Variants in ERICH1 observed in about 807,000 individuals in gnomAD.
ERICH1 encodes the protein glutamate rich 1.
A neutral mutation model predicts 39.6 loss-of-function variants in ERICH1; 56 were observed. That is an observed-to-expected ratio of 1.41 (90% confidence interval 1.14 to 1.77). The LOEUF (loss-of-function observed/expected upper bound fraction) is 1.77. ERICH1 is among the 40% of genes most tolerant of loss of function. The probability of loss-of-function intolerance (pLI) is 0.00; values close to 1 mark genes in which losing one functional copy is unlikely to be tolerated. For missense variants in ERICH1, 826 were observed against 575.4 expected (o/e 1.44, Z -4.45); for synonymous variants, 313 against 223.6 (o/e 1.40, Z -3.57).
At chr8:630,453 C>T (rs867365340) in intron 3 of ERICH1, among the ~76,000 whole-genome samples, 18 of 123,672 alleles carry the variant, frequency 1.5e-4, no homozygotes, top group African/African-American at 4.4e-4. Context: ...CACACCCTCC[C>T]GTGAGCACCC....
chr8:636,588 C>T (rs1378833301), intron 3 of ERICH1, among the ~76,000 whole-genome samples: 1 of 152,254 alleles, frequency 6.6e-6, no homozygotes, highest in Non-Finnish European at 1.5e-5. Context: ...TACCCTCAGC[C>T]CTGTCCACCA....
intron 3 of ERICH1, among the ~76,000 whole-genome samples, chr8:634,368 T>C (rs1186702977): frequency 6.6e-6 from 1 of 151,544 alleles, no homozygotes; most frequent in Non-Finnish European, 1.5e-5. Flanking sequence ...GGAACCCTCG[T>C]GCACTGTTGG....
chr8:643,702 C>T (rs537058379), intron 3 of ERICH1, among the ~76,000 whole-genome samples: 20 of 152,312 alleles, frequency 1.3e-4, no homozygotes, highest in African/African-American at 3.9e-4. Flanking sequence ...CTGAGCCATC[C>T]GCGACTTCGG....
chr8:695,146 C>A (rs1183608484), intron 2 of ERICH1, among the ~76,000 whole-genome samples: 3 of 152,044 alleles, frequency 2.0e-5, no homozygotes, highest in Non-Finnish European at 4.4e-5. Context: ...CCCCTCAGCT[C>A]CTCTGGGCTG....
At chr8:701,505 C>T (rs147031815) in intron 2 of ERICH1, among the ~76,000 whole-genome samples, 3 of 152,312 alleles carry the variant, frequency 2.0e-5, no homozygotes, top group African/African-American at 2.4e-5. Flanking sequence ...GAGCCACAGA[C>T]GCAGGCCCAG....
At chr8:668,102 T>C (rs898310278) in intron 5 of ERICH1, 10 of 198,988 alleles carry the variant, frequency 5.0e-5, no homozygotes, top group Non-Finnish European at 1.0e-4. Flanking sequence ...TCACCACAGC[T>C]TGTGTCACCG....
intron 2 of ERICH1, among the ~76,000 whole-genome samples, chr8:701,760 A>T (rs988631982): frequency 6.6e-6 from 1 of 152,198 alleles, no homozygotes; most frequent in Non-Finnish European, 1.5e-5. Context: ...GTCACATTAT[A>T]TCAACTTCTA....
At chr8:712,491 A>T (rs543625894) in intron 2 of ERICH1, among the ~76,000 whole-genome samples, 1 of 152,262 alleles carries the variant, frequency 6.6e-6, no homozygotes, top group South Asian at 2.1e-4. Context: ...GTGCAGTGAC[A>T]TGATCTCGGC....
intron 3 of ERICH1, among the ~76,000 whole-genome samples, chr8:691,976 A>G (rs1198394495): frequency 1.3e-5 from 2 of 152,252 alleles, no homozygotes; most frequent in Non-Finnish European, 2.9e-5. Context: ...GTATTAAGAG[A>G]ATATTGTATA....
intron 4 of ERICH1, among the ~76,000 whole-genome samples, chr8:670,784 C>T (rs1250804183): frequency 6.6e-6 from 1 of 152,146 alleles, no homozygotes; most frequent in Non-Finnish European, 1.5e-5. Flanking sequence ...ACCTCTGAAC[C>T]CCCTGGCCCC....
chr8:680,474 C>T (rs1202162183), intron 3 of ERICH1, among the ~76,000 whole-genome samples: 3 of 151,736 alleles, frequency 2.0e-5, no homozygotes, highest in Non-Finnish European at 4.4e-5. Flanking sequence ...CAGCTGCCAC[C>T]CCTCCCCGAA....
chr8:710,451 G>T (rs895810855), intron 2 of ERICH1, among the ~76,000 whole-genome samples: 2 of 149,310 alleles, frequency 1.3e-5, no homozygotes, highest in African/African-American at 2.5e-5. Context: ...TCACTGTCCT[G>T]CAAGTCCTCT....
chr8:728,428 G>T (rs1422473529), intron 1 of ERICH1, among the ~76,000 whole-genome samples: 1 of 152,102 alleles, frequency 6.6e-6, no homozygotes, highest in Admixed American at 6.5e-5. Context: ...AGCTCCTAAG[G>T]TCCTCACCCA....
intron 2 of ERICH1, among the ~76,000 whole-genome samples, chr8:705,487 TAA>T (rs907329835): frequency 6.6e-6 from 1 of 151,792 alleles, no homozygotes; most frequent in Admixed American, 6.6e-5. Flanking sequence ...TGTTCATGAT[TAA>T]AAAAAAATCA....
At chr8:691,235 C>T (rs1302260231) in intron 3 of ERICH1, 1 of 151,828 alleles carries the variant, frequency 6.6e-6, no homozygotes, top group Non-Finnish European at 1.5e-5. Context: ...GGAGTGACTC[C>T]TCAAGGGCTC....
At chr8:631,423 G>A (rs1047981428) in intron 3 of ERICH1, among the ~76,000 whole-genome samples, 1 of 152,204 alleles carries the variant, frequency 6.6e-6, no homozygotes, top group Non-Finnish European at 1.5e-5. Flanking sequence ...GGTCATGCAG[G>A]CGGGTGAGGA....
In ERICH1 at chr8:673,907, G is replaced by A. The variant is rs537876723; in HGVS notation, c.445C>T (p.Arg149Ter). ...QQSLLQEKSQ[R>*]QHTDGTTISK... ...ATTGTGGTGCCATCTGTGTGCTGTC[G>A]CTGAGATTTCTCCTGTAACAGACTC... The change falls in exon 4 of 6, where the codon CGA (arginine) becomes TGA (stop). Residue 149 changes from arginine (R) to a stop codon, truncating the protein, a stop_gained. Transcript: ENST00000262109. LOFTEE classifies it high-confidence loss of function. 1.2e-5 allele frequency: 19 copies of A among 1,613,164 alleles called. No homozygotes were observed. Among genetic ancestry groups the A allele is most frequent in the African/African-American group, 2.7e-5 (2 of 74,836 alleles).
intron 2 of ERICH1, among the ~76,000 whole-genome samples, chr8:694,880 C>A (rs1258737366): frequency 6.6e-6 from 1 of 152,142 alleles, no homozygotes; most frequent in Non-Finnish European, 1.5e-5. Context: ...ATCTCCTCCG[C>A]CGGACGCACA....
chr8:640,101 G>A (rs921703905), intron 3 of ERICH1, among the ~76,000 whole-genome samples: 12 of 152,144 alleles, frequency 7.9e-5, no homozygotes, highest in African/African-American at 2.7e-4. Context: ...AGAAACTCAG[G>A]GGGCTGAAAT....
Sources: allele counts gnomAD v4.1 joint callset (sites outside exome capture counted in the v4.1 genomes callset), GRCh38; gene constraint gnomAD v4.1.1; transcripts MANE v1.5; gene names NCBI Gene and HGNC (gene_info 2026-07-23, HGNC 2026-07-21).